The following CFAP299 variants were observed in gnomAD, a reference collection of about 807,000 sequenced individuals.
The protein encoded by CFAP299 is cilia and flagella associated protein 299.
Under a neutral mutation model 27.0 loss-of-function variants are expected in CFAP299, and 21 were observed. The observed-to-expected ratio is 0.78, with a 90% CI of 0.55 to 1.12. The LOEUF is 1.12. CFAP299 is among the 50% of genes most tolerant of loss of function. CFAP299 has a pLI of 0.00. For missense variants in CFAP299, 310 were observed against 276.6 expected (o/e 1.12, Z -0.86); for synonymous variants, 104 against 98.1 (o/e 1.06, Z -0.36).
intron 3 of CFAP299, among the ~76,000 whole-genome samples, chr4:80,774,555 G>T (rs775965131): frequency 8.6e-5 from 13 of 151,946 alleles, no homozygotes; most frequent in South Asian, 8.3e-4. Flanking sequence ...ATTAGAAGTG[G>T]TCAATAAATG....
chr4:80,764,477 C>T (rs74564335), intron 3 of CFAP299, among the ~76,000 whole-genome samples: 31 of 152,248 alleles, frequency 2.0e-4, no homozygotes, highest in Admixed American at 1.1e-3. Context: ...GAAATAGGAA[C>T]GCGTTTACAT....
intron 4 of CFAP299, among the ~76,000 whole-genome samples, chr4:80,895,886 G>C (rs578074865): frequency 1.3e-5 from 2 of 152,144 alleles, no homozygotes; most frequent in South Asian, 4.1e-4. Context: ...AACTCACTCG[G>C]ATGAATGAGG....
intron 5 of CFAP299, among the ~76,000 whole-genome samples, chr4:80,945,146 G>C (rs1737407762): frequency 6.6e-6 from 1 of 152,152 alleles, no homozygotes; most frequent in Admixed American, 6.6e-5. Flanking sequence ...AAGAGTTTAG[G>C]GGGAATTTAA....
intron 3 of CFAP299, among the ~76,000 whole-genome samples, chr4:80,752,010 A>G (rs1427003923): frequency 1.3e-5 from 2 of 152,158 alleles, no homozygotes; most frequent in Non-Finnish European, 2.9e-5. Flanking sequence ...GAGACTCCAC[A>G]CAGCTCTGTG....
chr4:80,929,128 T>C (rs1440872622), intron 4 of CFAP299, among the ~76,000 whole-genome samples: 1 of 152,164 alleles, frequency 6.6e-6, no homozygotes, highest in Non-Finnish European at 1.5e-5. Flanking sequence ...TAAGTGGTAG[T>C]ATCAGTTCCC....
At chr4:80,722,775 C>T (rs1476119986) in intron 3 of CFAP299, among the ~76,000 whole-genome samples, 1 of 152,002 alleles carries the variant, frequency 6.6e-6, no homozygotes, top group Non-Finnish European at 1.5e-5. Context: ...TAGCGGGCGC[C>T]TGTAGTCCCA....
At chr4:80,870,516 T>TG in intron 4 of CFAP299, 3 of 992,498 alleles carry the variant, frequency 3.0e-6, no homozygotes, top group Non-Finnish European at 3.6e-6. Flanking sequence ...GCCAAAGTGC[T>TG]GGCCCCTGAT....
At chr4:80,882,591 T>G (rs1041225391) in intron 4 of CFAP299, among the ~76,000 whole-genome samples, 7 of 150,442 alleles carry the variant, frequency 4.7e-5, no homozygotes, top group African/African-American at 9.9e-5. Context: ...TAAGCCGAGA[T>G]AGCGCCGCTG....
At chr4:80,395,433 A>G (rs976450988) in intron 2 of CFAP299, among the ~76,000 whole-genome samples, 3 of 152,016 alleles carry the variant, frequency 2.0e-5, no homozygotes, top group African/African-American at 7.2e-5. Context: ...AAGCTTCCAG[A>G]AGTATATTGG....
At chr4:80,746,232 A>T (rs140334465) in intron 3 of CFAP299, among the ~76,000 whole-genome samples, 22 of 152,102 alleles carry the variant, frequency 1.4e-4, no homozygotes, top group African/African-American at 4.8e-4. Context: ...TACTTTAGAG[A>T]GTGTCGAAAG....
At chr4:80,630,021 A>G (rs990484596) in intron 3 of CFAP299, among the ~76,000 whole-genome samples, 1 of 152,170 alleles carries the variant, frequency 6.6e-6, no homozygotes, top group African/African-American at 2.4e-5. Flanking sequence ...GAATGAAAAT[A>G]GTTTAAGAGA....
At chr4:80,415,084 CAG>C (rs1301214725) in intron 2 of CFAP299, among the ~76,000 whole-genome samples, 1 of 152,108 alleles carries the variant, frequency 6.6e-6, no homozygotes, top group Non-Finnish European at 1.5e-5. Context: ...AGTCTCCTAA[CAG>C]AAGTCTAGTG....
At chr4:80,801,843 A>G (rs542065495) in intron 3 of CFAP299, among the ~76,000 whole-genome samples, 1 of 152,244 alleles carries the variant, frequency 6.6e-6, no homozygotes, top group African/African-American at 2.4e-5. Flanking sequence ...ATTTTGCCCA[A>G]CGCACTCTGC....
chr4:80,781,674 A>T (rs1325525100), intron 3 of CFAP299, among the ~76,000 whole-genome samples: 3 of 152,204 alleles, frequency 2.0e-5, no homozygotes, highest in African/African-American at 4.8e-5. Flanking sequence ...TACTTGAGGT[A>T]TTTGATATGA....
At chr4:80,395,941 T>C (rs1384788291) in intron 2 of CFAP299, among the ~76,000 whole-genome samples, 1 of 152,140 alleles carries the variant, frequency 6.6e-6, no homozygotes, top group Non-Finnish European at 1.5e-5. Context: ...AAAAGGTTTA[T>C]TTTCTGCACA....
At chr4:80,857,915 G>T (rs1223707881) in intron 3 of CFAP299, among the ~76,000 whole-genome samples, 1 of 152,100 alleles carries the variant, frequency 6.6e-6, no homozygotes. Context: ...GATGATGCTG[G>T]CCTCATAAAA....
chr4:80,871,622 T>G, intron 4 of CFAP299: 1 of 983,538 alleles, frequency 1.0e-6, no homozygotes, highest in South Asian at 4.7e-5. Context: ...AGACCTCTTG[T>G]TTTTCATCAC....
chr4:80,543,643 A>T (rs1734102993), intron 2 of CFAP299, among the ~76,000 whole-genome samples: 1 of 152,242 alleles, frequency 6.6e-6, no homozygotes, highest in South Asian at 2.1e-4. Flanking sequence ...ACACAGGGAG[A>T]CAACAATAAT....
intron 2 of CFAP299, among the ~76,000 whole-genome samples, chr4:80,541,167 A>T (rs1047382763): frequency 6.6e-6 from 1 of 152,342 alleles, no homozygotes; most frequent in Non-Finnish European, 1.5e-5. Flanking sequence ...GTTTCATATG[A>T]CAGTGAAGAT....
Sources: gnomAD v4.1 joint callset for allele counts (sites outside exome capture counted in the v4.1 genomes callset) on GRCh38, gnomAD v4.1.1 for gene constraint, MANE v1.5 for transcripts, NCBI Gene and HGNC (gene_info 2026-07-23, HGNC 2026-07-21) for gene names.